Variants in AK9 observed in about 807,000 individuals in gnomAD.
AK9 encodes adenylate kinase domain containing 1.
A neutral mutation model predicts 239.6 loss-of-function variants in AK9; 191 were observed. The ratio of observed to expected loss-of-function variants is 0.80; its 90% CI spans 0.71 to 0.90. The LOEUF is 0.90. Ranked by LOEUF, AK9 falls within the 40% of genes least tolerant of loss-of-function variation. AK9 has a pLI of 0.00. For synonymous variants in AK9, 689 were observed against 721.0 expected (o/e 0.96, Z 0.71); for missense variants, 1,995 against 2,214.7 (o/e 0.90, Z 1.99).
At chr6:109,625,466 G>A (rs1795404470) in intron 12 of AK9, among the ~76,000 whole-genome samples, 1 of 152,200 alleles carries the variant, frequency 6.6e-6, no homozygotes, top group East Asian at 1.9e-4. Flanking sequence ...GGACCGGTAG[G>A]AACTGAGGGG....
intron 35 of AK9, among the ~76,000 whole-genome samples, chr6:109,505,442 C>G (rs1778016570): frequency 6.6e-6 from 1 of 152,122 alleles, no homozygotes; most frequent in African/African-American, 2.4e-5. Flanking sequence ...AACTATTTAA[C>G]AAGAATATAT....
intron 12 of AK9, among the ~76,000 whole-genome samples, chr6:109,622,489 T>C (rs1414813622): frequency 7.5e-6 from 1 of 134,206 alleles, no homozygotes; most frequent in Non-Finnish European, 1.5e-5. Context: ...ATTAATATAG[T>C]GTTAATATTA....
chr6:109,634,776 G>A (rs1259255929), intron 10 of AK9, among the ~76,000 whole-genome samples: 1 of 152,136 alleles, frequency 6.6e-6, no homozygotes, highest in Non-Finnish European at 1.5e-5. Flanking sequence ...AATGAGCTAG[G>A]GACTGAAACC....
At chr6:109,539,764 C>G (rs1309061695) in intron 27 of AK9, among the ~76,000 whole-genome samples, 1 of 152,088 alleles carries the variant, frequency 6.6e-6, no homozygotes, top group Admixed American at 6.6e-5. Context: ...ATGATGGTGA[C>G]GTACAGATGG....
chr6:109,601,681 T>G (rs1239993626), intron 17 of AK9, among the ~76,000 whole-genome samples: 1 of 152,192 alleles, frequency 6.6e-6, no homozygotes, highest in African/African-American at 2.4e-5. Flanking sequence ...TAGTGGGGTG[T>G]TAAAGTCTCT....
chr6:109,520,732 C>T (rs1184414328), intron 29 of AK9, among the ~76,000 whole-genome samples: 1 of 152,130 alleles, frequency 6.6e-6, no homozygotes, highest in Non-Finnish European at 1.5e-5. Flanking sequence ...TCTTCCAGTC[C>T]ATGAGTATGA....
At chr6:109,625,891 A>G (rs1447139498) in intron 12 of AK9, among the ~76,000 whole-genome samples, 2 of 149,216 alleles carry the variant, frequency 1.3e-5, no homozygotes, top group Non-Finnish European at 3.0e-5. Flanking sequence ...TCTTAATTTC[A>G]GTAATGTTGA....
chr6:109,653,954 A>G (rs935145620), intron 8 of AK9, among the ~76,000 whole-genome samples: 1 of 152,124 alleles, frequency 6.6e-6, no homozygotes, highest in African/African-American at 2.4e-5. Context: ...GTACAACAAC[A>G]ATGTTGAACT....
rs750702010 is a variant in AK9, at chr6:109,514,355, A to C, written c.4148T>G (p.Phe1383Cys). 2.6e-6 allele frequency: 4 copies of C among 1,551,124 alleles called. No homozygotes were observed. Among genetic ancestry groups the C allele is most frequent in the Middle Eastern group, 1.7e-4 (1 of 5,974 alleles). The change falls in exon 32 of 41, where the codon TTT becomes TGT. Residue 1383 changes from phenylalanine (F) to cysteine (C), a missense_variant. Coordinates refer to ENST00000424296, the MANE Select transcript of AK9 (RefSeq NM_001145128.3). ...TTCTTTTGTTTCTTTACTAGATAAA[A>C]AATAAATATACTGACGATGGATTAC... ...YPVIHRQYIYFLSSKETKEKF... is the reference protein window; with the variant it reads ...YPVIHRQYIYCLSSKETKEKF...
chr6:109,563,668 C>G lies in AK9; in HGVS notation c.2680G>C (p.Glu894Gln), dbSNP rs1299262389. The change falls in exon 24 of 41, where the codon GAG becomes CAG. Residue 894 changes from glutamate to glutamine, a missense_variant. Transcript: ENST00000424296. ...GTCTGGTAGTCTTCTGTTTCTTCCT[C>G]ATAATCTTCCCCAGTTAACTCCCAT... ...TAWELTGEDY[E>Q]EETEDYQTEA... The G allele has an allele frequency of 6.4e-7, 1 of 1,550,774 alleles. No individual in the cohort carries two copies. The highest frequency in any genetic ancestry group is 1.4e-5 in the African/African-American group (1 of 73,042).
At chr6:109,615,529 T>C (rs1304363023) in intron 13 of AK9, among the ~76,000 whole-genome samples, 6 of 152,192 alleles carry the variant, frequency 3.9e-5, no homozygotes, top group Admixed American at 1.3e-4. Context: ...AATTTTAATT[T>C]TGAAGGTATT....
At chr6:109,644,510 T>A (rs1431980828) in intron 9 of AK9, 104 bp downstream of exon 9, 7 of 931,482 alleles carry the variant, frequency 7.5e-6, no homozygotes, top group Non-Finnish European at 1.1e-5. Context: ...AGATAAATGG[T>A]GTTCAAATAT....
chr6:109,601,056 T>G (rs975687846), intron 17 of AK9, among the ~76,000 whole-genome samples: 11 of 152,110 alleles, frequency 7.2e-5, no homozygotes, highest in Admixed American at 3.3e-4. Context: ...TTTTGAAGGG[T>G]TTTTTGTGTC....
At chr6:109,612,982 C>T (rs916236173) in intron 15 of AK9, among the ~76,000 whole-genome samples, 6 of 148,184 alleles carry the variant, frequency 4.0e-5, no homozygotes, top group African/African-American at 1.5e-4. Flanking sequence ...AAAAAGTCTT[C>T]CTCTCATTTA....
At chr6:109,518,166 G>T (rs1484091737) in intron 29 of AK9, among the ~76,000 whole-genome samples, 2 of 152,120 alleles carry the variant, frequency 1.3e-5, no homozygotes, top group Non-Finnish European at 2.9e-5. Context: ...TGGGATTCGG[G>T]TGTGTGAGGG....
At chr6:109,507,610 C>T (rs1319259570) in intron 33 of AK9, among the ~76,000 whole-genome samples, 1 of 152,106 alleles carries the variant, frequency 6.6e-6, no homozygotes, top group African/African-American at 2.4e-5. Flanking sequence ...GGAGTGGCCC[C>T]CAAGCTCAGG....
intron 26 of AK9, 34 bp downstream of exon 26, chr6:109,545,833 A>G: frequency 6.4e-7 from 1 of 1,569,306 alleles, no homozygotes; most frequent in Non-Finnish European, 8.6e-7. Context: ...CAGCAAAAAC[A>G]AAACAAACAA....
At chr6:109,606,377 A>G (rs975228650) in intron 17 of AK9, among the ~76,000 whole-genome samples, 1 of 152,176 alleles carries the variant, frequency 6.6e-6, no homozygotes, top group Non-Finnish European at 1.5e-5. Context: ...AGACATAACG[A>G]CAGTGCCAAG....
At chr6:109,548,980 G>C (rs1368846067) in intron 25 of AK9, among the ~76,000 whole-genome samples, 1 of 152,156 alleles carries the variant, frequency 6.6e-6, no homozygotes, top group African/African-American at 2.4e-5. Context: ...GAGGATCAAT[G>C]CATTTTCCTT....
Sources: allele counts gnomAD v4.1 joint callset (sites outside exome capture counted in the v4.1 genomes callset), GRCh38; gene constraint gnomAD v4.1.1; transcripts MANE v1.5; gene names NCBI Gene and HGNC (gene_info 2026-07-23, HGNC 2026-07-21).